Variants in VWA3B observed in about 807,000 individuals in gnomAD.
The protein encoded by VWA3B is von Willebrand factor A domain containing 3B.
VWA3B carries 138 observed loss-of-function variants against 158.3 expected under a neutral mutation model. That is an observed-to-expected ratio of 0.87 (90% CI 0.76 to 1.00). The LOEUF is 1.00. VWA3B is among the 50% of genes least tolerant of loss of function. The probability of loss-of-function intolerance (pLI) is 0.00; values close to 1 mark genes in which losing one functional copy is unlikely to be tolerated. For missense variants in VWA3B, 1,555 were observed against 1,565.1 expected, an observed-to-expected ratio of 0.99 and a Z score of 0.11; for synonymous variants, 596 against 587.3, an observed-to-expected ratio of 1.01 and a Z score of -0.21.
At chr2:98,115,405 G>A (rs1009540370) in intron 2 of VWA3B, among the ~76,000 whole-genome samples, 2 of 152,034 alleles carry the variant, frequency 1.3e-5, no homozygotes, top group Non-Finnish European at 2.9e-5. Flanking sequence ...TAACAAACCT[G>A]CACATTGTGC....
At chr2:98,216,615 C>G (rs1684009606) in intron 13 of VWA3B, 2 of 435,804 alleles carry the variant, frequency 4.6e-6, no homozygotes, top group Non-Finnish European at 9.6e-6. Context: ...TGTGTGGAGC[C>G]CTGGCTGCAC....
chr2:98,128,226 CACT>C lies in VWA3B; in HGVS notation c.703-12_703-10del, dbSNP rs1199420186. ...TGTGAGGGAGATAAACCGTTGGCACCACTGTTTTGCAGATTGAATCCATTTACT... is the reference window on the plus strand; with the variant it reads ...TGTGAGGGAGATAAACCGTTGGCACCGTTTTGCAGATTGAATCCATTTACT... On this transcript the variant is annotated splice_polypyrimidine_tract_variant and intron_variant, in intron 5 of 27. Transcript: ENST00000477737. 5.6e-6 allele frequency: 9 copies of C among 1,612,900 alleles called. No homozygotes were observed. The highest frequency in any genetic ancestry group is 5.9e-6 in the Non-Finnish European group (7 of 1,179,124).
At chr2:98,277,091 G>A (rs1038732978) in intron 22 of VWA3B, among the ~76,000 whole-genome samples, 2 of 152,146 alleles carry the variant, frequency 1.3e-5, no homozygotes, top group Admixed American at 1.3e-4. Flanking sequence ...GCTCTGCCTG[G>A]CATCCTGCAC....
chr2:98,122,793 C>G (rs183604588), intron 5 of VWA3B, among the ~76,000 whole-genome samples: 1 of 152,176 alleles, frequency 6.6e-6, no homozygotes, highest in Non-Finnish European at 1.5e-5. Context: ...CTCCTTTCTC[C>G]GGGGTTCATT....
intron 14 of VWA3B, among the ~76,000 whole-genome samples, chr2:98,221,206 T>A (rs987272676): frequency 3.9e-5 from 6 of 152,092 alleles, no homozygotes; most frequent in Non-Finnish European, 7.4e-5. Flanking sequence ...TCCTTGGGAC[T>A]TTATTTCTAT....
chr2:98,186,058 C>T (rs1384892220), intron 9 of VWA3B, among the ~76,000 whole-genome samples: 1 of 151,964 alleles, frequency 6.6e-6, no homozygotes, highest in Admixed American at 6.6e-5. Flanking sequence ...CCAAAACCCA[C>T]GTTTTGCAGG....
At chr2:98,173,886 G>C (rs1679796809) in intron 8 of VWA3B, among the ~76,000 whole-genome samples, 1 of 151,896 alleles carries the variant, frequency 6.6e-6, no homozygotes, top group Non-Finnish European at 1.5e-5. Context: ...AGAATTGCTT[G>C]AACTCGGGAG....
chr2:98,140,870 C>T (rs566549898), intron 7 of VWA3B, among the ~76,000 whole-genome samples: 92 of 152,284 alleles, frequency 6.0e-4, no homozygotes, highest in Non-Finnish European at 1.1e-3. Context: ...TGGAAAAGAT[C>T]CCTTTCCAAG....
intron 19 of VWA3B, among the ~76,000 whole-genome samples, chr2:98,244,687 G>A (rs1686281179): frequency 6.6e-6 from 1 of 152,062 alleles, no homozygotes; most frequent in South Asian, 2.1e-4. Context: ...AATTTCAAAG[G>A]GGAATAAAGG....
At chr2:98,168,085 G>A (rs913958443) in intron 8 of VWA3B, among the ~76,000 whole-genome samples, 2 of 152,060 alleles carry the variant, frequency 1.3e-5, no homozygotes, top group Non-Finnish European at 2.9e-5. Flanking sequence ...AGATTACAAG[G>A]CATGAAAAGA....
chr2:98,184,197 G>A (rs1680827461), intron 9 of VWA3B, among the ~76,000 whole-genome samples: 1 of 152,210 alleles, frequency 6.6e-6, no homozygotes, highest in Admixed American at 6.5e-5. Flanking sequence ...ATGGTCTGGT[G>A]GTTTTCCATT....
chr2:98,289,025 T>C lies in VWA3B; in HGVS notation c.3046-1486T>C, dbSNP rs181311722. 1.8e-3 allele frequency among the ~76,000 whole-genome samples: 277 copies of C among 152,342 alleles called. 2 individuals are homozygous for C. Among genetic ancestry groups the C allele is most frequent in the Non-Finnish European group, 1.3e-4 (9 of 68,032 alleles). ...ATTTGTACTATTCTAACTGGATAAATATTGTTCAATACTGGGACAAGTCAC... is the reference window on the plus strand; with the variant it reads ...ATTTGTACTATTCTAACTGGATAAACATTGTTCAATACTGGGACAAGTCAC... On this transcript the variant is annotated intron_variant, in intron 22 of 27. Coordinates refer to ENST00000477737, the MANE Select transcript of VWA3B (RefSeq NM_144992.5).
At chr2:98,216,148 G>A (rs1284091580) in intron 13 of VWA3B, among the ~76,000 whole-genome samples, 1 of 152,254 alleles carries the variant, frequency 6.6e-6, no homozygotes, top group Non-Finnish European at 1.5e-5. Flanking sequence ...ATTATTAAAT[G>A]TCCGAGGGAG....
chr2:98,257,274 G>T lies in VWA3B; in HGVS notation c.2843+1100G>T, dbSNP rs187160933. Among the ~76,000 whole-genome samples, 233 of 152,128 alleles carry T rather than the reference G, an allele frequency of 1.5e-3. 4 individuals are homozygous for T. Among genetic ancestry groups the T allele is most frequent in the African/African-American group, 4.8e-3 (199 of 41,500 alleles). ...CCAAATGATATTAAGTGCTGCAAAT[G>T]ATATTAAGTTGCTGCAAATGATAGG... On this transcript the variant is annotated intron_variant, in intron 21 of 27. Coordinates refer to ENST00000477737, the MANE Select transcript of VWA3B (RefSeq NM_144992.5).
downstream of VWA3B, among the ~76,000 whole-genome samples, chr2:98,313,803 C>T (rs117252073): frequency 3.7e-4 from 56 of 152,254 alleles, 2 homozygotes; most frequent in East Asian, 0.011. Flanking sequence ...CAAATGACTA[C>T]AGGGCAAATA....
intron 2 of VWA3B, 121 bp downstream of exon 2, chr2:98,093,409 C>G: frequency 4.1e-6 from 4 of 972,036 alleles, no homozygotes; most frequent in South Asian, 3.4e-5. Context: ...TCTTATATCC[C>G]TATCAGTAGA....
At chr2:98,213,575 GCA>G (rs1198037158) in intron 13 of VWA3B, among the ~76,000 whole-genome samples, 1 of 152,168 alleles carries the variant, frequency 6.6e-6, no homozygotes, top group Non-Finnish European at 1.5e-5. Flanking sequence ...TAGGAGCAAG[GCA>G]GAAAGGAGTC....
chr2:98,312,458 C>G lies in VWA3B; in HGVS notation c.*109C>G. The G allele has an allele frequency of 7.3e-7, 1 of 1,368,388 alleles. No homozygotes were observed. The highest frequency in any genetic ancestry group is 9.8e-7 in the Non-Finnish European group (1 of 1,022,068). 84.8% of individuals were successfully genotyped at this position (1,368,388 alleles called of 1,614,324 possible). On this transcript the variant is annotated 3_prime_UTR_variant, in exon 28 of 28. Coordinates refer to ENST00000477737, the MANE Select transcript of VWA3B (RefSeq NM_144992.5). ...TCCGCGGAGGTAAGGCCGCCCTCCG[C>G]GCCGCCTATGCCTGCCCTGTCTGTA... is the stretch of plus-strand genomic sequence containing the variant.
intron 10 of VWA3B, chr2:98,192,295 G>A (rs914614141): frequency 1.9e-5 from 3 of 154,326 alleles, no homozygotes; most frequent in African/African-American, 4.8e-5. Context: ...TAATCACCTG[G>A]GTGCAGGCGG....
Sources: gnomAD v4.1 joint callset for allele counts (sites outside exome capture counted in the v4.1 genomes callset) on GRCh38, gnomAD v4.1.1 for gene constraint, MANE v1.5 for transcripts, NCBI Gene and HGNC (gene_info 2026-07-23, HGNC 2026-07-21) for gene names.